Variants in BCL2A1 observed in about 807,000 individuals in gnomAD.
The protein encoded by BCL2A1 is BCL2 related protein A1.
BCL2A1 carries 10 observed loss-of-function variants against 14.4 expected under a neutral mutation model. That is an observed-to-expected ratio of 0.69 (90% CI 0.43 to 1.18). The LOEUF (loss-of-function observed/expected upper bound fraction) is 1.18, where lower values mean the gene tolerates loss of function less well. Ranked by LOEUF, BCL2A1 falls within the 50% of genes most tolerant of loss-of-function variation. The pLI, the probability that BCL2A1 is intolerant of heterozygous loss-of-function variation, is 0.00. For synonymous variants in BCL2A1, 71 were observed against 76.5 expected (o/e 0.93, Z 0.38); for missense variants, 158 against 205.0 (o/e 0.77, Z 1.40).
At chr15:79,969,553 G>C (rs1459136113) in intron 1 of BCL2A1, among the ~76,000 whole-genome samples, 1 of 151,856 alleles carries the variant, frequency 6.6e-6, no homozygotes, top group African/African-American at 2.4e-5. Context: ...AAATAATTCT[G>C]GGTAAAAAAA....
chr15:79,962,202 C>G (rs1425392962), intron 1 of BCL2A1, among the ~76,000 whole-genome samples: 1 of 152,148 alleles, frequency 6.6e-6, no homozygotes, highest in Non-Finnish European at 1.5e-5. Flanking sequence ...CCGAGCATAA[C>G]TCTTTGATAG....
At chr15:79,963,749 G>C (rs1161905144) in intron 1 of BCL2A1, among the ~76,000 whole-genome samples, 1 of 152,134 alleles carries the variant, frequency 6.6e-6, no homozygotes, top group Non-Finnish European at 1.5e-5. Flanking sequence ...TTGGAGGGTA[G>C]GGGGCACCAG....
intron 1 of BCL2A1, among the ~76,000 whole-genome samples, chr15:79,969,674 A>G (rs1297600605): frequency 6.6e-6 from 1 of 152,372 alleles, no homozygotes; most frequent in African/African-American, 2.4e-5. Context: ...TAAAAAAGGT[A>G]TGTGTTATAT....
At chr15:79,970,099 T>A (rs1258687306) in intron 1 of BCL2A1, among the ~76,000 whole-genome samples, 1 of 152,148 alleles carries the variant, frequency 6.6e-6, no homozygotes, top group Non-Finnish European at 1.5e-5. Context: ...TATTATGTTT[T>A]AATCAACAAA....
At chr15:79,963,218 G>T (rs2035507652) in intron 1 of BCL2A1, among the ~76,000 whole-genome samples, 1 of 152,022 alleles carries the variant, frequency 6.6e-6, no homozygotes, top group African/African-American at 2.4e-5. Context: ...TCGATCTCTT[G>T]ACCTCATGAT....
At position 79,960,918 on chromosome 15, in the gene BCL2A1, A is replaced by T; in HGVS notation, c.*149T>A. 7.0e-6 allele frequency: 9 copies of T among 1,287,508 alleles called. No homozygotes were observed. The highest frequency in any genetic ancestry group is 9.8e-6 in the Non-Finnish European group (9 of 920,538). The allele number at this position is 1,287,508 out of a possible 1,614,324, so 79.8% of individuals were successfully genotyped here. On this transcript the variant is annotated 3_prime_UTR_variant, in exon 2 of 2. Transcript: ENST00000267953. The stretch of plus-strand genomic sequence containing the variant: ...AGAGAAAAATACATACAATTTATTC[A>T]TTACATGGGGACAAAATTTCCATAA...
intron 1 of BCL2A1, among the ~76,000 whole-genome samples, chr15:79,967,933 A>ATTTTT (rs1567024305): frequency 6.8e-6 from 1 of 147,702 alleles, no homozygotes; most frequent in Non-Finnish European, 1.5e-5. Context: ...TTTTTTTTAA[A>ATTTTT]AAAAAAAAAG....
chr15:79,966,831 AAGGC>A (rs1567023988), intron 1 of BCL2A1, among the ~76,000 whole-genome samples: 2 of 150,028 alleles, frequency 1.3e-5, no homozygotes, highest in African/African-American at 5.0e-5. Flanking sequence ...GGAAGGCAGG[AAGGC>A]AGGAAGGAAG....
rs1172459450 is a variant in BCL2A1 at position 79,961,058 on chromosome 15, C to G, written c.*9G>C. ...AGGCCGGTTTCACAATATGGAGTGT[C>G]CTTTCTGGTCAACAGTATTGCTTCA... On this transcript the variant is annotated 3_prime_UTR_variant, in exon 2 of 2. Coordinates refer to ENST00000267953, the MANE Select transcript of BCL2A1 (RefSeq NM_004049.4). The G allele has an allele frequency of 6.2e-7, 1 of 1,613,718 alleles. No homozygotes were observed. Among genetic ancestry groups the G allele is most frequent in the Admixed American group, 1.7e-5 (1 of 59,996 alleles).
intron 1 of BCL2A1, among the ~76,000 whole-genome samples, chr15:79,969,371 G>C (rs2035573074): frequency 6.6e-6 from 1 of 152,058 alleles, no homozygotes; most frequent in South Asian, 2.1e-4. Flanking sequence ...ATCCACCCTA[G>C]AAAACTACAC....
intron 1 of BCL2A1, among the ~76,000 whole-genome samples, chr15:79,969,755 C>CA (rs1244266663): frequency 6.6e-6 from 1 of 151,634 alleles, no homozygotes; most frequent in African/African-American, 2.4e-5. Flanking sequence ...ACTTTTTTTA[C>CA]AAAAAATGTT....
chr15:79,970,237 C>T (rs1431173133), intron 1 of BCL2A1, among the ~76,000 whole-genome samples: 1 of 151,976 alleles, frequency 6.6e-6, no homozygotes, highest in Non-Finnish European at 1.5e-5. Flanking sequence ...AATTTGTAAG[C>T]GATGAACTTA....
intron 1 of BCL2A1, chr15:79,967,521 C>T (rs545326757): frequency 3.2e-5 from 38 of 1,170,692 alleles, no homozygotes; most frequent in African/African-American, 9.2e-5. Context: ...CGGCACATAC[C>T]GCATTGTTGA....
At position 79,961,033 on chromosome 15, in the gene BCL2A1, A is replaced by C. The variant is rs913035202; in HGVS notation, c.*34T>G. On this transcript the variant is annotated 3_prime_UTR_variant, in exon 2 of 2. Coordinates refer to ENST00000267953, the MANE Select transcript of BCL2A1 (RefSeq NM_004049.4). ...CGTTTCCATATCAGTCAGAAAAATT[A>C]GGCCGGTTTCACAATATGGAGTGTC... 1 of 1,611,044 alleles carries C rather than the reference A, an allele frequency of 6.2e-7. No individual in the cohort carries two copies. Among genetic ancestry groups the C allele is most frequent in the African/African-American group, 1.3e-5 (1 of 74,882 alleles).
At chr15:79,965,338 A>G (rs1262970497) in intron 1 of BCL2A1, among the ~76,000 whole-genome samples, 2 of 152,168 alleles carry the variant, frequency 1.3e-5, no homozygotes, top group Non-Finnish European at 2.9e-5. Flanking sequence ...TGTGTTAGCC[A>G]GGATGGTCTC....
chr15:79,963,617 AT>A (rs773752810), intron 1 of BCL2A1, among the ~76,000 whole-genome samples: 97 of 152,162 alleles, frequency 6.4e-4, no homozygotes, highest in Non-Finnish European at 1.2e-3. Context: ...TGTTCCATTG[AT>A]ATAATACTTT....
intron 1 of BCL2A1, among the ~76,000 whole-genome samples, chr15:79,968,474 G>A (rs1394094835): frequency 6.6e-6 from 1 of 152,212 alleles, no homozygotes; most frequent in Admixed American, 6.5e-5. Context: ...GATTGAGAAA[G>A]GGGAGTAGCT....
chr15:79,965,399 A>T (rs556523895), intron 1 of BCL2A1, among the ~76,000 whole-genome samples: 24 of 152,232 alleles, frequency 1.6e-4, no homozygotes, highest in Non-Finnish European at 2.9e-4. Context: ...AGTGCTGGGA[A>T]TACAGACTTG....
intron 1 of BCL2A1, among the ~76,000 whole-genome samples, chr15:79,962,511 A>G (rs1157569920): frequency 6.6e-6 from 1 of 151,850 alleles, no homozygotes; most frequent in Non-Finnish European, 1.5e-5. Flanking sequence ...ATTTTCATAA[A>G]CCCCATGTTT....
Sources: allele counts gnomAD v4.1 joint callset (sites outside exome capture counted in the v4.1 genomes callset), GRCh38; gene constraint gnomAD v4.1.1; transcripts MANE v1.5; gene names NCBI Gene and HGNC (gene_info 2026-07-23, HGNC 2026-07-21).